Variants in GLIS3 observed in about 807,000 individuals in gnomAD.
GLIS3 encodes the protein zinc finger protein GLIS3.
A neutral mutation model predicts 78.6 loss-of-function variants in GLIS3; 53 were observed. The ratio of observed to expected loss-of-function variants is 0.67; its 90% CI spans 0.54 to 0.85. The LOEUF is 0.85. GLIS3 is among the 40% of genes least tolerant of loss of function. The pLI, the probability that GLIS3 is intolerant of heterozygous loss-of-function variation, is 0.00. For synonymous variants in GLIS3, 684 were observed against 509.9 expected (o/e 1.34, Z -4.60); for missense variants, 1,703 against 1,231.1 (o/e 1.38, Z -5.74).
chr9:4,025,255 AAAAAG>A (rs551889508), intron 4 of GLIS3, among the ~76,000 whole-genome samples: 10 of 152,272 alleles, frequency 6.6e-5, no homozygotes, highest in East Asian at 3.9e-4. Flanking sequence ...GTCTCAAAAA[AAAAAG>A]AAAAGAAAAG....
At chr9:4,074,344 T>A (rs1211605036) in intron 4 of GLIS3, among the ~76,000 whole-genome samples, 2 of 152,160 alleles carry the variant, frequency 1.3e-5, no homozygotes, top group East Asian at 3.9e-4. Context: ...TTCTCCTCTT[T>A]CCTGATTCCT....
chr9:4,406,534 T>C, the GLIS3 span, among the ~76,000 whole-genome samples: 1 of 152,140 alleles, frequency 6.6e-6, no homozygotes, highest in African/African-American at 2.4e-5. Flanking sequence ...TGGTCAGATA[T>C]GATCTTATAC....
chr9:3,900,051 C>T (rs141168566), intron 6 of GLIS3, among the ~76,000 whole-genome samples: 10 of 151,722 alleles, frequency 6.6e-5, no homozygotes, highest in African/African-American at 1.2e-4. Flanking sequence ...TGTGGTTGTG[C>T]GGAGAAGTAA....
At chr9:4,033,273 A>C (rs928820114) in intron 4 of GLIS3, among the ~76,000 whole-genome samples, 2 of 152,142 alleles carry the variant, frequency 1.3e-5, no homozygotes, top group African/African-American at 2.4e-5. Flanking sequence ...TATAGCATAA[A>C]GGGTATTTCT....
the GLIS3 span, among the ~76,000 whole-genome samples, chr9:4,453,345 C>CAAAAAAAAAAAAAAAAAAAAAAAAAAAAA: frequency 1.1e-5 from 1 of 91,650 alleles, no homozygotes; most frequent in Non-Finnish European, 2.2e-5. Flanking sequence ...TTCTGCACAG[C>CAAAAAAAAAAAAAAAAAAAAAAAAAAAAA]AAAAAAAAAA....
intron 2 of GLIS3, among the ~76,000 whole-genome samples, chr9:4,128,155 G>C (rs1586750807): frequency 1.3e-5 from 2 of 152,216 alleles, no homozygotes; most frequent in South Asian, 4.2e-4. Flanking sequence ...TCTTTGCCTG[G>C]AATGCCCTTA....
At chr9:3,990,122 T>A (rs116295163) in intron 4 of GLIS3, among the ~76,000 whole-genome samples, 2,049 of 152,268 alleles carry the variant, frequency 0.013, 43 homozygotes, top group African/African-American at 0.046. Context: ...ACCACGAAGT[T>A]CATTTTCAAA....
chr9:4,081,112 T>C (rs994113986), intron 4 of GLIS3: 1 of 152,234 alleles, frequency 6.6e-6, no homozygotes, highest in African/African-American at 2.4e-5. Flanking sequence ...GGTTACACAA[T>C]GAGCTTCATA....
At chr9:3,836,963 C>T (rs1470791004) in intron 9 of GLIS3, among the ~76,000 whole-genome samples, 2 of 152,186 alleles carry the variant, frequency 1.3e-5, no homozygotes, top group African/African-American at 2.4e-5. Context: ...CTGGAGGACC[C>T]CAGCCTAATG....
the GLIS3 span, among the ~76,000 whole-genome samples, chr9:4,419,140 A>G: frequency 6.6e-6 from 1 of 152,214 alleles, no homozygotes; most frequent in African/African-American, 2.4e-5. Flanking sequence ...TTCTGACGTC[A>G]AATATGAGAA....
chr9:4,203,682 TA>T (rs1179808235), intron 2 of GLIS3, among the ~76,000 whole-genome samples: 1 of 152,132 alleles, frequency 6.6e-6, no homozygotes, highest in African/African-American at 2.4e-5. Flanking sequence ...CTATTCACAA[TA>T]GCAAAGACAT....
intron 2 of GLIS3, among the ~76,000 whole-genome samples, chr9:4,327,561 A>G (rs534144562): frequency 1.3e-5 from 2 of 152,194 alleles, no homozygotes; most frequent in African/African-American, 4.8e-5. Flanking sequence ...ATTGGGTAGG[A>G]AGCATGAGAG....
chr9:4,037,733 C>T (rs1307777880), intron 4 of GLIS3, among the ~76,000 whole-genome samples: 1 of 152,152 alleles, frequency 6.6e-6, no homozygotes, highest in Admixed American at 6.5e-5. Flanking sequence ...GAATTTCAAA[C>T]CTCAGATTGT....
chr9:3,981,876 A>G (rs1432199354), intron 4 of GLIS3, among the ~76,000 whole-genome samples: 1 of 152,160 alleles, frequency 6.6e-6, no homozygotes, highest in African/African-American at 2.4e-5. Context: ...GGGACATTCA[A>G]AACCCTGAGA....
intron 2 of GLIS3, among the ~76,000 whole-genome samples, chr9:4,269,013 A>G (rs1368900360): frequency 2.0e-5 from 3 of 152,234 alleles, no homozygotes; most frequent in Non-Finnish European, 4.4e-5. Context: ...AAAAATAACC[A>G]TAGCAGCCTC....
intron 4 of GLIS3, among the ~76,000 whole-genome samples, chr9:4,036,446 A>G (rs1344057292): frequency 6.6e-6 from 1 of 152,186 alleles, no homozygotes; most frequent in Non-Finnish European, 1.5e-5. Flanking sequence ...AAAATGATTG[A>G]CAACTTGAAT....
chr9:4,036,422 G>C (rs1266460246), intron 4 of GLIS3, among the ~76,000 whole-genome samples: 2 of 152,142 alleles, frequency 1.3e-5, no homozygotes, highest in Admixed American at 1.3e-4. Context: ...TATAAATAAA[G>C]AGTGGGTTTT....
At chr9:3,941,044 G>T (rs527464430) in intron 4 of GLIS3, among the ~76,000 whole-genome samples, 1 of 152,276 alleles carries the variant, frequency 6.6e-6, no homozygotes, top group East Asian at 1.9e-4. Flanking sequence ...TGGGAGTGAG[G>T]CCCAGCCATC....
At chr9:4,339,702 T>C (rs76703079) in intron 2 of GLIS3, among the ~76,000 whole-genome samples, 4,401 of 135,012 alleles carry the variant, frequency 0.033, 215 homozygotes, top group East Asian at 0.24. Context: ...CAAAGCCAGA[T>C]AACAATGCAA....
Sources: gnomAD v4.1 joint callset for allele counts (sites outside exome capture counted in the v4.1 genomes callset) on GRCh38, gnomAD v4.1.1 for gene constraint, MANE v1.5 for transcripts, NCBI Gene and HGNC (gene_info 2026-07-23, HGNC 2026-07-21) for gene names.